The following TLL1 variants were observed in gnomAD, a reference collection of about 807,000 sequenced individuals.
TLL1 encodes tolloid-like protein 1.
A neutral mutation model predicts 128.2 loss-of-function variants in TLL1; 49 were observed. The observed-to-expected ratio is 0.38, with a 90% CI of 0.30 to 0.48. TLL1 has a LOEUF of 0.48. Among genes scored for constraint, TLL1 ranks in the 20% least tolerant of loss-of-function variants. The pLI, the probability that TLL1 is intolerant of heterozygous loss-of-function variation, is 0.96. For missense variants in TLL1, 1,123 were observed against 1,242.0 expected (o/e 0.90, Z 1.44); for synonymous variants, 454 against 418.8 (o/e 1.08, Z -1.03).
chr4:166,041,983 G>A, intron 10 of TLL1, 44 bp from the exon 11 acceptor site: 2 of 1,305,170 alleles, frequency 1.5e-6, no homozygotes, highest in Non-Finnish European at 2.2e-6. Context: ...GTAGAATATA[G>A]AGTCCTATTT....
At chr4:165,928,117 T>C (rs1321496067) in intron 1 of TLL1, among the ~76,000 whole-genome samples, 3 of 152,244 alleles carry the variant, frequency 2.0e-5, no homozygotes, top group African/African-American at 7.2e-5. Flanking sequence ...ATGTCACTTA[T>C]GCTTTCAATT....
At chr4:165,939,767 T>C (rs1042862796) in intron 1 of TLL1, among the ~76,000 whole-genome samples, 2 of 152,058 alleles carry the variant, frequency 1.3e-5, no homozygotes, top group African/African-American at 4.8e-5. Flanking sequence ...TCTTGTTTTA[T>C]TTATTGCTTA....
At chr4:166,009,329 C>A (rs949479177) in intron 7 of TLL1, among the ~76,000 whole-genome samples, 1 of 151,332 alleles carries the variant, frequency 6.6e-6, no homozygotes, top group Admixed American at 6.6e-5. Context: ...TTAGAACTAA[C>A]CTGAGTTTTG....
intron 1 of TLL1, among the ~76,000 whole-genome samples, chr4:165,896,395 G>C (rs1442107923): frequency 6.6e-6 from 1 of 151,770 alleles, no homozygotes; most frequent in Non-Finnish European, 1.5e-5. Context: ...ATAAACATAC[G>C]TGTGCATGTG....
chr4:165,997,653 C>CTCT (rs1736945826), intron 5 of TLL1, among the ~76,000 whole-genome samples: 1 of 152,146 alleles, frequency 6.6e-6, no homozygotes, highest in Admixed American at 6.6e-5. Flanking sequence ...CTATAGTCAG[C>CTCT]TCTTATTCAT....
intron 12 of TLL1, among the ~76,000 whole-genome samples, chr4:166,044,023 G>A (rs1739353538): frequency 6.6e-6 from 1 of 152,094 alleles, no homozygotes; most frequent in African/African-American, 2.4e-5. Context: ...TGGCCCGTGA[G>A]TCATTTTTGT....
chr4:165,967,529 G>A (rs938994243), intron 1 of TLL1, among the ~76,000 whole-genome samples: 4 of 152,144 alleles, frequency 2.6e-5, no homozygotes, highest in African/African-American at 9.7e-5. Flanking sequence ...GGCTTTGGCC[G>A]GTCACTCCGT....
Position 165,885,801 on chromosome 4 carries a change from GAGA to G in TLL1, c.169+11736_169+11738del, listed in dbSNP as rs1449422793. 5.3e-5 allele frequency among the ~76,000 whole-genome samples: 8 copies of G among 152,266 alleles called. No individual in the cohort carries two copies. The South Asian group carries it at 1.7e-3, about 32-fold the overall frequency. ...GTTTGAGGTCAGTGTTCATAATGGA[GAGA>G]AGAAGAACTATAGGCAACAAAACTA... On this transcript the variant is annotated intron_variant, in intron 1 of 20. Coordinates refer to ENST00000061240, the MANE Select transcript of TLL1 (RefSeq NM_012464.5).
intron 1 of TLL1, among the ~76,000 whole-genome samples, chr4:165,983,806 C>T (rs1736270658): frequency 1.3e-5 from 2 of 151,024 alleles, no homozygotes; most frequent in African/African-American, 4.9e-5. Flanking sequence ...CTCCTACCAT[C>T]TTTCAAAAAA....
rs529472241 is a variant in TLL1, at chr4:166,100,177, G to T, written c.2908-565G>T. 4.6e-5 allele frequency among the ~76,000 whole-genome samples: 7 copies of T among 152,184 alleles called. No individual in the cohort carries two copies. In the East Asian group the frequency reaches 1.4e-3, roughly 29 times the overall value. ...TTATAGTCTTCTGAATACATATTTTGTCCTGAAGATAGTAGTCCCAGTTTT... is the reference window on the plus strand; with the variant it reads ...TTATAGTCTTCTGAATACATATTTTTTCCTGAAGATAGTAGTCCCAGTTTT... On this transcript the variant is annotated intron_variant, in intron 20 of 20. Transcript: ENST00000061240.
At chr4:165,901,684 C>G (rs1731998929) in intron 1 of TLL1, among the ~76,000 whole-genome samples, 1 of 152,142 alleles carries the variant, frequency 6.6e-6, no homozygotes. Context: ...TCTGTTGAAC[C>G]CTGCTGGGAG....
rs564590448 is a variant in TLL1, at chr4:166,000,189, G to A, written c.633-3202G>A. Among the ~76,000 whole-genome samples, 38 of 152,270 alleles carry A rather than the reference G, an allele frequency of 2.5e-4. 1 individual carries two copies. The South Asian group carries it at 7.9e-3, about 32-fold the overall frequency. On this transcript the variant is annotated intron_variant, in intron 5 of 20. Coordinates refer to ENST00000061240, the MANE Select transcript of TLL1 (RefSeq NM_012464.5). ...TCCAACAGCCGTATACAAGAAAACA[G>A]CATCAAACCTGGATGACATTAGAAA...
chr4:166,031,615 G>T (rs1424923949), intron 9 of TLL1, among the ~76,000 whole-genome samples: 2 of 151,898 alleles, frequency 1.3e-5, no homozygotes, highest in African/African-American at 4.8e-5. Flanking sequence ...TGATCTACCT[G>T]CCTCAGCCTC....
chr4:165,990,723 A>G (rs1196545715), intron 2 of TLL1, among the ~76,000 whole-genome samples: 1 of 152,010 alleles, frequency 6.6e-6, no homozygotes, highest in Non-Finnish European at 1.5e-5. Flanking sequence ...ATTATTCTAT[A>G]TAATCAAAAT....
At chr4:165,951,066 G>A (rs986018384) in intron 1 of TLL1, among the ~76,000 whole-genome samples, 1 of 152,090 alleles carries the variant, frequency 6.6e-6, no homozygotes, top group Non-Finnish European at 1.5e-5. Context: ...GGAATGAAAA[G>A]AGGGGATGTA....
intron 11 of TLL1, 136 bp downstream of exon 11, chr4:166,042,279 T>G: frequency 1.1e-5 from 7 of 640,514 alleles, no homozygotes; most frequent in Non-Finnish European, 2.0e-5. Flanking sequence ...ATAATATTCA[T>G]ACAGATAATT....
At chr4:165,995,945 AATTTAT>A (rs1736853687) in intron 5 of TLL1, among the ~76,000 whole-genome samples, 1 of 152,074 alleles carries the variant, frequency 6.6e-6, no homozygotes, top group African/African-American at 2.4e-5. Flanking sequence ...GTTTTCAATA[AATTTAT>A]ATTTATATAA....
At chr4:166,094,647 G>C (rs920835980) in intron 19 of TLL1, among the ~76,000 whole-genome samples, 13 of 152,136 alleles carry the variant, frequency 8.5e-5, no homozygotes, top group African/African-American at 2.9e-4. Flanking sequence ...GTTGAAATTA[G>C]AGTCCTGGCT....
rs1408511452 is a variant in TLL1 at position 166,102,210 on chromosome 4, A to G, written c.*1334A>G. 1 of 152,488 alleles carries G rather than the reference A, an allele frequency of 6.6e-6. No individual in the cohort carries two copies. The highest frequency in any genetic ancestry group is 1.5e-5 in the Non-Finnish European group (1 of 67,956). 9.4% of individuals were successfully genotyped at this position (152,488 alleles called of 1,614,324 possible). A position where few individuals can be genotyped will look rare whatever the true frequency, so the allele number is the denominator to read the frequency against. On this transcript the variant is annotated 3_prime_UTR_variant, in exon 21 of 21. Transcript: ENST00000061240. ...AAACACACCTTTTGAAATGTTGAAC[A>G]TAATAGTGTATGTTAATTAACAGCT... is the stretch of plus-strand genomic sequence containing the variant.
Sources: allele counts gnomAD v4.1 joint callset (sites outside exome capture counted in the v4.1 genomes callset), GRCh38; gene constraint gnomAD v4.1.1; transcripts MANE v1.5; gene names NCBI Gene and HGNC (gene_info 2026-07-23, HGNC 2026-07-21).